The following PMFBP1 variants were observed in gnomAD, a reference collection of about 807,000 sequenced individuals.
The protein encoded by PMFBP1 is polyamine-modulated factor 1-binding protein 1.
PMFBP1 carries 131 observed loss-of-function variants against 137.8 expected under a neutral mutation model. The ratio of observed to expected loss-of-function variants is 0.95; its 90% CI spans 0.82 to 1.10. The LOEUF (loss-of-function observed/expected upper bound fraction) is 1.10, where lower values mean the gene tolerates loss of function less well. Among genes scored for constraint, PMFBP1 ranks in the 50% least tolerant of loss-of-function variants. The pLI is 0.00. For missense variants in PMFBP1, 1,199 were observed against 1,175.4 expected (o/e 1.02, Z -0.29); for synonymous variants, 490 against 450.4 (o/e 1.09, Z -1.11).
the PMFBP1 span, among the ~76,000 whole-genome samples, chr16:72,198,808 C>T: frequency 6.8e-6 from 1 of 147,582 alleles, no homozygotes; most frequent in Non-Finnish European, 1.5e-5. Context: ...TCACATCCCC[C>T]CACCCCCACC....
At chr16:72,155,817 A>G (rs2042971685) in intron 3 of PMFBP1, among the ~76,000 whole-genome samples, 2 of 152,138 alleles carry the variant, frequency 1.3e-5, no homozygotes, top group South Asian at 2.1e-4. Flanking sequence ...GAACATTTCT[A>G]TCAACCCCCC....
chr16:72,155,110 A>G (rs1211688191), intron 3 of PMFBP1, among the ~76,000 whole-genome samples: 1 of 151,940 alleles, frequency 6.6e-6, no homozygotes, highest in African/African-American at 2.4e-5. Flanking sequence ...CTCATCCTTC[A>G]TTTTCATTCA....
chr16:72,170,161 T>C (rs9925476), intron 2 of PMFBP1, among the ~76,000 whole-genome samples: 5,777 of 151,786 alleles, frequency 0.038, 346 homozygotes, highest in African/African-American at 0.13. Flanking sequence ...ACGCCTGGCA[T>C]ATTGAAGGTG....
upstream of PMFBP1, among the ~76,000 whole-genome samples, chr16:72,179,731 C>A (rs999860910): frequency 1.3e-5 from 2 of 152,050 alleles, no homozygotes; most frequent in Non-Finnish European, 2.9e-5. Context: ...GGAACCAGTA[C>A]GGGGAATATT....
the PMFBP1 span, among the ~76,000 whole-genome samples, chr16:72,230,868 T>G: frequency 1.3e-5 from 2 of 152,208 alleles, no homozygotes; most frequent in African/African-American, 4.8e-5. Flanking sequence ...ATCACTCATA[T>G]TCCTGTCATA....
At chr16:72,135,251 A>G (rs2042606409) in intron 9 of PMFBP1, among the ~76,000 whole-genome samples, 1 of 151,700 alleles carries the variant, frequency 6.6e-6, no homozygotes, top group South Asian at 2.1e-4. Context: ...ATCTTGGCTC[A>G]TTGCAACCTC....
the PMFBP1 span, among the ~76,000 whole-genome samples, chr16:72,242,843 G>T: frequency 1.3e-5 from 2 of 152,224 alleles, no homozygotes; most frequent in African/African-American, 2.4e-5. Context: ...GAGAGCACAT[G>T]AATTCTTGCA....
the PMFBP1 span, among the ~76,000 whole-genome samples, chr16:72,195,587 T>C: frequency 6.6e-6 from 1 of 152,218 alleles, no homozygotes; most frequent in Non-Finnish European, 1.5e-5. Context: ...AAATGCTACA[T>C]AGTCACTGAA....
chr16:72,133,314 G>A (rs2042576474), intron 9 of PMFBP1, among the ~76,000 whole-genome samples: 1 of 152,024 alleles, frequency 6.6e-6, no homozygotes, highest in Admixed American at 6.6e-5. Flanking sequence ...AAGTAGTTGG[G>A]ATTACAGGTG....
At chr16:72,239,915 A>AAAAAAAAG in the PMFBP1 span, among the ~76,000 whole-genome samples, 289 of 145,002 alleles carry the variant, frequency 2.0e-3, 6 homozygotes, top group Middle Eastern at 3.8e-3. Flanking sequence ...AAAAAAAAAA[A>AAAAAAAAG]AAGAATGTTC....
chr16:72,161,039 A>G (rs1418339772), intron 3 of PMFBP1, among the ~76,000 whole-genome samples: 1 of 150,264 alleles, frequency 6.7e-6, no homozygotes. Flanking sequence ...AGTAAGTGAG[A>G]TATTTCCTTT....
chr16:72,175,442 A>G (rs1374994509), upstream of PMFBP1, among the ~76,000 whole-genome samples: 2 of 152,198 alleles, frequency 1.3e-5, no homozygotes, highest in African/African-American at 4.8e-5. Context: ...AAATGCCGTA[A>G]TCACAGACTG....
At chr16:72,130,804 C>G (rs995343658) in intron 10 of PMFBP1, 82 bp from the exon 11 acceptor site, 10 of 1,372,412 alleles carry the variant, frequency 7.3e-6, no homozygotes, top group Non-Finnish European at 9.7e-6. Flanking sequence ...AAGAGTTTTT[C>G]CTTTCATTTT....
chr16:72,165,002 G>A, intron 2 of PMFBP1, 86 bp from the exon 3 acceptor site: 1 of 1,381,832 alleles, frequency 7.2e-7, no homozygotes, highest in African/African-American at 1.4e-5. Flanking sequence ...ACAGAGACTT[G>A]AAATTTGCTG....
chr16:72,119,770 T>G (rs2042348220), intron 20 of PMFBP1, 81 bp downstream of exon 20: 5 of 1,557,052 alleles, frequency 3.2e-6, no homozygotes, highest in Non-Finnish European at 4.3e-6. Flanking sequence ...AAGGCCTATT[T>G]TCTTCTTCCT....
At chr16:72,151,886 C>T (rs2042907485) in intron 4 of PMFBP1, among the ~76,000 whole-genome samples, 1 of 152,090 alleles carries the variant, frequency 6.6e-6, no homozygotes, top group African/African-American at 2.4e-5. Context: ...GCCCATTCAA[C>T]CAGAGAGGCA....
intron 10 of PMFBP1, among the ~76,000 whole-genome samples, chr16:72,131,383 G>T (rs1008679111): frequency 6.6e-6 from 1 of 152,174 alleles, no homozygotes; most frequent in African/African-American, 2.4e-5. Context: ...GTGGTTTAGT[G>T]GGTTCTTGAG....
the PMFBP1 span, among the ~76,000 whole-genome samples, chr16:72,207,710 A>ATGTGTGTG: frequency 2.4e-3 from 348 of 144,030 alleles, 1 homozygote; most frequent in South Asian, 0.016. Context: ...CCAGTAGGGC[A>ATGTGTGTG]TGTGTGTGTG....
intron 13 of PMFBP1, 102 bp from the exon 14 acceptor site, chr16:72,128,896 C>T (rs563020898): frequency 2.0e-6 from 3 of 1,535,858 alleles, no homozygotes; most frequent in Admixed American, 3.8e-5. Flanking sequence ...CTATCTCCAC[C>T]CTGCGGGAGC....
Sources: allele counts gnomAD v4.1 joint callset (sites outside exome capture counted in the v4.1 genomes callset), GRCh38; gene constraint gnomAD v4.1.1; transcripts MANE v1.5; gene names NCBI Gene and HGNC (gene_info 2026-07-23, HGNC 2026-07-21).